Variants in PID1 observed in about 807,000 individuals in gnomAD.
PID1 encodes the protein phosphotyrosine interaction domain containing 1.
Under a neutral mutation model 19.1 loss-of-function variants are expected in PID1, and 10 were observed. The observed-to-expected ratio is 0.52, with a 90% CI of 0.32 to 0.89. The LOEUF (loss-of-function observed/expected upper bound fraction) is 0.89, where lower values mean the gene tolerates loss of function less well. Among genes scored for constraint, PID1 ranks in the 40% least tolerant of loss-of-function variants. PID1 has a pLI of 0.03. For synonymous variants in PID1, 130 were observed against 116.0 expected (o/e 1.12, Z -0.78); for missense variants, 248 against 285.3 (o/e 0.87, Z 0.94).
intron 1 of PID1, among the ~76,000 whole-genome samples, chr2:229,225,178 G>C (rs919038935): frequency 6.6e-6 from 1 of 152,174 alleles, no homozygotes; most frequent in Non-Finnish European, 1.5e-5. Flanking sequence ...TTAACCAGCA[G>C]CTAGATTCGA....
At chr2:229,133,767 ATTCTT>A (rs1689796458) in intron 2 of PID1, among the ~76,000 whole-genome samples, 1 of 151,920 alleles carries the variant, frequency 6.6e-6, no homozygotes, top group African/African-American at 2.4e-5. Context: ...GAGCTGGACA[ATTCTT>A]TTTTTTTTCT....
At chr2:229,139,037 A>AAGAAAGAGAGAG (rs1559251365) in intron 2 of PID1, among the ~76,000 whole-genome samples, 1 of 55,368 alleles carries the variant, frequency 1.8e-5, no homozygotes, top group Non-Finnish European at 4.0e-5. Flanking sequence ...GAAAGAAAGA[A>AAGAAAGAGAGAG]AGAGAAAGAA....
At chr2:229,144,300 C>T (rs962400254) in intron 2 of PID1, among the ~76,000 whole-genome samples, 2 of 152,052 alleles carry the variant, frequency 1.3e-5, no homozygotes, top group Admixed American at 6.6e-5. Context: ...GCGCAGCTGA[C>T]CCAGAGACAG....
At chr2:229,085,221 TG>T (rs1243576888) in intron 2 of PID1, among the ~76,000 whole-genome samples, 210 of 148,850 alleles carry the variant, frequency 1.4e-3, no homozygotes, top group Middle Eastern at 3.4e-3. Context: ...TACATATACT[TG>T]TAAAAAAAAA....
intron 2 of PID1, among the ~76,000 whole-genome samples, chr2:229,071,997 CTG>C (rs1220926644): frequency 6.6e-6 from 1 of 152,026 alleles, no homozygotes; most frequent in Non-Finnish European, 1.5e-5. Flanking sequence ...CCAAATGGCC[CTG>C]TGTCATTCTA....
chr2:229,089,689 T>C (rs1694832617), intron 2 of PID1, among the ~76,000 whole-genome samples: 1 of 152,188 alleles, frequency 6.6e-6, no homozygotes, highest in African/African-American at 2.4e-5. Flanking sequence ...ATACACTTAA[T>C]ACTGGAATAC....
At chr2:229,118,633 C>T (rs989042875) in intron 2 of PID1, among the ~76,000 whole-genome samples, 4 of 152,124 alleles carry the variant, frequency 2.6e-5, no homozygotes, top group African/African-American at 9.7e-5. Context: ...TGCTATCCAT[C>T]CCACACAAAT....
At chr2:229,262,506 A>G (rs1049411184) in intron 1 of PID1, among the ~76,000 whole-genome samples, 1 of 152,214 alleles carries the variant, frequency 6.6e-6, no homozygotes, top group Non-Finnish European at 1.5e-5. Context: ...GATTCCTTAT[A>G]GACACATGCA....
At chr2:229,058,340 G>T (rs1694144917) in intron 2 of PID1, among the ~76,000 whole-genome samples, 2 of 152,150 alleles carry the variant, frequency 1.3e-5, no homozygotes, top group Non-Finnish European at 2.9e-5. Flanking sequence ...ACTTTCCAAT[G>T]GTCTTCCTCT....
intron 2 of PID1, among the ~76,000 whole-genome samples, chr2:229,111,026 G>A (rs1333196488): frequency 6.6e-6 from 1 of 152,140 alleles, no homozygotes; most frequent in Non-Finnish European, 1.5e-5. Context: ...TAAGTCTCAT[G>A]AGATCTGATG....
intron 2 of PID1, among the ~76,000 whole-genome samples, chr2:229,055,200 G>A (rs1694075287): frequency 6.6e-6 from 1 of 152,184 alleles, no homozygotes; most frequent in African/African-American, 2.4e-5. Context: ...CCTGATGCAA[G>A]AAGAGATGTG....
intron 2 of PID1, among the ~76,000 whole-genome samples, chr2:229,115,137 C>T (rs568976784): frequency 6.6e-6 from 1 of 152,076 alleles, no homozygotes; most frequent in Non-Finnish European, 1.5e-5. Context: ...CAGCTACACT[C>T]CTCACTGAGG....
At chr2:229,120,926 T>G (rs759536349) in intron 2 of PID1, among the ~76,000 whole-genome samples, 15 of 152,050 alleles carry the variant, frequency 9.9e-5, no homozygotes, top group Admixed American at 9.8e-4. Flanking sequence ...CCTGTCCCTC[T>G]TTGCATGGGT....
chr2:229,066,172 C>A (rs747776016), intron 2 of PID1, among the ~76,000 whole-genome samples: 1 of 152,168 alleles, frequency 6.6e-6, no homozygotes, highest in Non-Finnish European at 1.5e-5. Context: ...TAGGAGCCAG[C>A]ATACGGTAGA....
chr2:229,123,895 A>G (rs1428841864), intron 2 of PID1, among the ~76,000 whole-genome samples: 1 of 152,122 alleles, frequency 6.6e-6, no homozygotes, highest in African/African-American at 2.4e-5. Context: ...ATTTCCTTAT[A>G]TATTCTGGAT....
At chr2:229,127,282 G>C (rs1287790873) in intron 2 of PID1, among the ~76,000 whole-genome samples, 1 of 152,132 alleles carries the variant, frequency 6.6e-6, no homozygotes, top group Non-Finnish European at 1.5e-5. Context: ...CCTAATAATT[G>C]TATCTACTTA....
intron 2 of PID1, among the ~76,000 whole-genome samples, chr2:229,149,380 C>G (rs967220529): frequency 6.6e-6 from 1 of 152,120 alleles, no homozygotes; most frequent in Non-Finnish European, 1.5e-5. Context: ...ATGCTAATTT[C>G]AAATACACTT....
chr2:229,234,723 T>C (rs558943700), intron 1 of PID1, among the ~76,000 whole-genome samples: 8 of 152,194 alleles, frequency 5.3e-5, no homozygotes, highest in Non-Finnish European at 8.8e-5. Context: ...ACTAGAAATA[T>C]ACCCATCTCT....
intron 2 of PID1, among the ~76,000 whole-genome samples, chr2:229,153,500 T>C (rs766931644): frequency 6.6e-6 from 1 of 152,192 alleles, no homozygotes; most frequent in African/African-American, 2.4e-5. Flanking sequence ...AATGAAATCA[T>C]TGTCGATTTC....
Sources: allele counts gnomAD v4.1 joint callset (sites outside exome capture counted in the v4.1 genomes callset), GRCh38; gene constraint gnomAD v4.1.1; transcripts MANE v1.5; gene names NCBI Gene and HGNC (gene_info 2026-07-23, HGNC 2026-07-21).